IFT56: variants seen among roughly 807,000 people sequenced by gnomAD.
IFT56 encodes the protein intraflagellar transport protein 56.
At chr7:139,155,906 T>C in the IFT56 span, among the ~76,000 whole-genome samples, 1 of 152,148 alleles carries the variant, frequency 6.6e-6, no homozygotes, top group Non-Finnish European at 1.5e-5. Context: ...CTGGGCTTTT[T>C]ATTTCATTGT....
chr7:139,142,604 C>A, the IFT56 span, among the ~76,000 whole-genome samples: 1 of 152,096 alleles, frequency 6.6e-6, no homozygotes, highest in Non-Finnish European at 1.5e-5. Flanking sequence ...CTGAAGCGGG[C>A]GGATCATCTG....
At chr7:139,168,322 C>T in the IFT56 span, 1 of 1,528,124 alleles carries the variant, frequency 6.5e-7, no homozygotes, top group Non-Finnish European at 8.9e-7. Flanking sequence ...TCCTCTTAAT[C>T]AGTGTTATTC....
chr7:139,180,752 G>A, the IFT56 span, among the ~76,000 whole-genome samples: 1 of 152,086 alleles, frequency 6.6e-6, no homozygotes, highest in East Asian at 1.9e-4. Flanking sequence ...TGTAGTCAGA[G>A]GAAAATTTAG....
the IFT56 span, chr7:139,139,823 T>C: frequency 3.0e-5 from 30 of 984,974 alleles, no homozygotes; most frequent in South Asian, 3.2e-4. Flanking sequence ...TCCTATTCCA[T>C]TGTGGAAGAA....
chr7:139,149,160 C>A, the IFT56 span, among the ~76,000 whole-genome samples: 1 of 151,966 alleles, frequency 6.6e-6, no homozygotes, highest in African/African-American at 2.4e-5. Flanking sequence ...AAAAAATTAG[C>A]TGGGCGTGGT....
chr7:139,170,257 T>C, the IFT56 span, among the ~76,000 whole-genome samples: 3 of 152,152 alleles, frequency 2.0e-5, no homozygotes, highest in South Asian at 6.2e-4. Flanking sequence ...ACCCATTGGC[T>C]TCACTGTAGA....
the IFT56 span, chr7:139,134,665 G>T: frequency 6.2e-7 from 1 of 1,606,696 alleles, no homozygotes; most frequent in Admixed American, 1.7e-5. Flanking sequence ...ATGCTTTCAA[G>T]GGCCAAACCT....
At chr7:139,141,187 G>A in the IFT56 span, among the ~76,000 whole-genome samples, 1 of 151,814 alleles carries the variant, frequency 6.6e-6, no homozygotes, top group Admixed American at 6.6e-5. Context: ...TGTGAACGCG[G>A]GAGGCGGAGC....
the IFT56 span, among the ~76,000 whole-genome samples, chr7:139,162,623 C>G: frequency 6.6e-6 from 1 of 152,078 alleles, no homozygotes; most frequent in Admixed American, 6.5e-5. Context: ...AGTCACTTAA[C>G]ATTGCTGAGT....
chr7:139,183,192 G>A, the IFT56 span, among the ~76,000 whole-genome samples: 1 of 150,244 alleles, frequency 6.7e-6, no homozygotes, highest in Admixed American at 6.8e-5. Flanking sequence ...GGAGATGAGA[G>A]GGGAATAGGG....
the IFT56 span, among the ~76,000 whole-genome samples, chr7:139,144,083 T>G: frequency 6.6e-6 from 1 of 152,130 alleles, no homozygotes; most frequent in Non-Finnish European, 1.5e-5. Flanking sequence ...ATTAGCCATA[T>G]TTTTCCTTTC....
chr7:139,162,145 A>G, the IFT56 span, among the ~76,000 whole-genome samples: 759 of 152,352 alleles, frequency 5.0e-3, 8 homozygotes, highest in African/African-American at 0.018. Flanking sequence ...AAATGAAACA[A>G]GAAAGGGCAA....
At chr7:139,184,828 GC>G in the IFT56 span, among the ~76,000 whole-genome samples, 13 of 151,984 alleles carry the variant, frequency 8.6e-5, no homozygotes, top group Non-Finnish European at 1.8e-4. Flanking sequence ...GCTGAGGCGG[GC>G]GGATCACAAG....
the IFT56 span, among the ~76,000 whole-genome samples, chr7:139,183,325 T>C: frequency 0.038 from 5,790 of 152,218 alleles, 167 homozygotes; most frequent in South Asian, 0.12. Context: ...CAACATAAAG[T>C]TATACTCATG....
the IFT56 span, chr7:139,172,932 G>T: frequency 1.4e-6 from 1 of 722,068 alleles, no homozygotes; most frequent in Non-Finnish European, 2.6e-6. Context: ...GGAACAGCTT[G>T]GTTATACTGG....
At chr7:139,162,658 G>A in the IFT56 span, among the ~76,000 whole-genome samples, 9 of 152,088 alleles carry the variant, frequency 5.9e-5, no homozygotes, top group Non-Finnish European at 8.8e-5. Flanking sequence ...GTAGAATAGG[G>A]AAAATGAAAG....
the IFT56 span, chr7:139,173,551 T>G: frequency 1.3e-6 from 1 of 780,102 alleles, no homozygotes; most frequent in Admixed American, 1.7e-5. Context: ...TATACTGAGT[T>G]TGTTCATATG....
At chr7:139,146,652 A>G in the IFT56 span, among the ~76,000 whole-genome samples, 1 of 151,864 alleles carries the variant, frequency 6.6e-6, no homozygotes, top group Non-Finnish European at 1.5e-5. Flanking sequence ...CTGTAATCCC[A>G]GGAACTTGGG....
the IFT56 span, chr7:139,172,695 T>C: frequency 3.2e-6 from 2 of 622,454 alleles, no homozygotes; most frequent in South Asian, 1.4e-5. Context: ...TCTGGAAGTT[T>C]TACAAACAAT....
Sources: allele counts gnomAD v4.1 joint callset (sites outside exome capture counted in the v4.1 genomes callset), GRCh38; gene constraint gnomAD v4.1.1; transcripts MANE v1.5; gene names NCBI Gene and HGNC (gene_info 2026-07-23, HGNC 2026-07-21).